Variants in ANKS1A observed in about 807,000 individuals in gnomAD.
ANKS1A encodes the protein ankyrin repeat and SAM domain-containing protein 1A.
A neutral mutation model predicts 120.3 loss-of-function variants in ANKS1A; 55 were observed. That is an observed-to-expected ratio of 0.46 (90% confidence interval 0.37 to 0.57). ANKS1A has a LOEUF of 0.57. Among genes scored for constraint, ANKS1A ranks in the 20% least tolerant of loss-of-function variants. The pLI, the probability that ANKS1A is intolerant of heterozygous loss-of-function variation, is 0.00. For synonymous variants in ANKS1A, 590 were observed against 604.7 expected (o/e 0.98, Z 0.36); for missense variants, 1,123 against 1,480.3 (o/e 0.76, Z 3.96).
intron 1 of ANKS1A, among the ~76,000 whole-genome samples, chr6:34,943,443 G>A (rs530312222): frequency 2.6e-5 from 4 of 152,074 alleles, no homozygotes; most frequent in Non-Finnish European, 4.4e-5. Context: ...ATTAACTAAC[G>A]TTCATTAGGG....
chr6:35,083,603 T>G, intron 20 of ANKS1A, 100 bp downstream of exon 20: 1 of 1,130,776 alleles, frequency 8.8e-7, no homozygotes, highest in East Asian at 2.4e-5. Context: ...GTCTCATCTC[T>G]TATCTCCCTA....
intron 1 of ANKS1A, among the ~76,000 whole-genome samples, chr6:34,895,214 TAAAA>T (rs1010255886): frequency 6.8e-6 from 1 of 147,192 alleles, no homozygotes; most frequent in Non-Finnish European, 1.5e-5. Context: ...TTTTTTTAAT[TAAAA>T]AAAAAAATTT....
At position 35,086,299 on chromosome 6, in the gene ANKS1A, T is replaced by A; in HGVS notation, c.3303+363T>A. The A allele has an allele frequency of 7.6e-7, 1 of 1,313,000 alleles. No homozygotes were observed. The highest frequency in any genetic ancestry group is 1.0e-6 in the Non-Finnish European group (1 of 1,004,878). The allele number at this position is 1,313,000 out of a possible 1,614,324, so 81.3% of individuals were successfully genotyped here. On this transcript the variant is annotated intron_variant, in intron 22 of 23. Coordinates refer to ENST00000360359, the MANE Select transcript of ANKS1A (RefSeq NM_015245.3). This position sits in a 1 kb window ranked among gnomAD's most constrained non-coding sequence, Gnocchi z 5.1. Reference sequence around the variant, plus strand: ...CGCTGCCCCCCGATAGTCGCTGTTGTTACTGTCACACCTGCACCACCCACC... The same window carrying A: ...CGCTGCCCCCCGATAGTCGCTGTTGATACTGTCACACCTGCACCACCCACC...
intron 1 of ANKS1A, among the ~76,000 whole-genome samples, chr6:34,957,421 A>G (rs1443393862): frequency 2.0e-5 from 3 of 152,228 alleles, no homozygotes; most frequent in Non-Finnish European, 4.4e-5. Flanking sequence ...TTTGAGTAAG[A>G]TGAAATCTTT....
At chr6:34,898,804 T>C (rs994341557) in intron 1 of ANKS1A, among the ~76,000 whole-genome samples, 3 of 152,320 alleles carry the variant, frequency 2.0e-5, no homozygotes, top group Middle Eastern at 3.4e-3. Context: ...GAAAACACTT[T>C]CCTATATTTT....
chr6:35,086,538 G>A lies in ANKS1A; in HGVS notation c.3304-414G>A, dbSNP rs963323557. ...AGCCCTCTCTGTTTTTCTGTTGTGT[G>A]TCCTCTCTCCAGAGGTCTGGGGTGA... On this transcript the variant is annotated intron_variant, in intron 22 of 23. Transcript: ENST00000360359. The surrounding 1 kb of genome is among the most constrained non-coding windows in gnomAD (Gnocchi z 5.1). 6.6e-6 allele frequency among the ~76,000 whole-genome samples: 1 copy of A among 152,020 alleles called. No individual in the cohort carries two copies. The highest frequency in any genetic ancestry group is 3.4e-3 in the Middle Eastern group (1 of 294).
chr6:35,031,622 C>T (rs187967325), intron 11 of ANKS1A, among the ~76,000 whole-genome samples: 82 of 152,278 alleles, frequency 5.4e-4, no homozygotes, highest in Middle Eastern at 3.4e-3. Context: ...GGATCCTCAG[C>T]GGCCACCACC....
Position 35,006,647 on chromosome 6 carries a change from C to T in ANKS1A, c.1424-10826C>T, listed in dbSNP as rs1024192684. Among the ~76,000 whole-genome samples, 6 of 151,978 alleles carry T rather than the reference C, an allele frequency of 3.9e-5. No individual in the cohort carries two copies. The East Asian group carries it at 5.8e-4, about 15-fold the overall frequency. On this transcript the variant is annotated intron_variant, in intron 10 of 23. Transcript: ENST00000360359. ...ATGGGCACCTGTAGTCCCAGCTACTCGGGAAGCTGAGGCAGGAGAATGGCA... is the reference window on the plus strand; with the variant it reads ...ATGGGCACCTGTAGTCCCAGCTACTTGGGAAGCTGAGGCAGGAGAATGGCA...
chr6:35,086,984 A>G lies in ANKS1A; in HGVS notation c.3336A>G (p.Gln1112=), dbSNP rs1164511218. The change falls in exon 23 of 24, where the codon CAA becomes CAG. Residue 1112 remains glutamine (Q), a synonymous_variant. Transcript: ENST00000360359. The surrounding 1 kb of genome is among the most constrained non-coding windows in gnomAD (Gnocchi z 5.1). ...LEPPDMDQDA[Q]SHASVSWVVD... is the part of the protein sequence containing the mutation. The stretch of plus-strand genomic sequence containing the variant: ...CACCTGATATGGACCAAGATGCCCA[A>G]TCCCATGCCAGTGTCTCCTGGGTTG... The G allele has an allele frequency of 2.8e-5, 45 of 1,614,016 alleles. No individual in the cohort carries two copies. The Admixed American group carries it at 5.8e-4, about 21-fold the overall frequency.
chr6:34,964,012 G>A (rs1171372726), intron 1 of ANKS1A, among the ~76,000 whole-genome samples: 3 of 151,986 alleles, frequency 2.0e-5, no homozygotes, highest in Non-Finnish European at 4.4e-5. Flanking sequence ...ATATATTTTG[G>A]ATATTAACCT....
At chr6:35,066,179 G>A (rs73403847) in intron 13 of ANKS1A, among the ~76,000 whole-genome samples, 1,813 of 152,350 alleles carry the variant, frequency 0.012, 26 homozygotes, top group African/African-American at 0.035. Context: ...AGTGTTATGT[G>A]TGGTGACATC....
intron 2 of ANKS1A, among the ~76,000 whole-genome samples, chr6:34,969,147 G>A (rs772868974): frequency 3.9e-5 from 6 of 152,170 alleles, no homozygotes; most frequent in Non-Finnish European, 7.4e-5. Context: ...TTATATACTG[G>A]TATGTGTTTA....
chr6:34,922,992 C>T (rs1394595106), intron 1 of ANKS1A, among the ~76,000 whole-genome samples: 1 of 152,090 alleles, frequency 6.6e-6, no homozygotes, highest in Non-Finnish European at 1.5e-5. Context: ...TGCCCAGCCT[C>T]CAGGCCATTT....
At chr6:34,979,858 A>T (rs1344403655) in intron 3 of ANKS1A, among the ~76,000 whole-genome samples, 2 of 152,110 alleles carry the variant, frequency 1.3e-5, no homozygotes, top group African/African-American at 4.8e-5. Flanking sequence ...TTGGGTTACT[A>T]CTCTGCCCCA....
intron 1 of ANKS1A, among the ~76,000 whole-genome samples, chr6:34,950,222 CTTTTTTT>C (rs747865614): frequency 1.2e-4 from 12 of 97,536 alleles, no homozygotes; most frequent in Middle Eastern, 6.7e-3. Flanking sequence ...TCTTTTCTCT[CTTTTTTT>C]TTTTTTTTTT....
intron 12 of ANKS1A, among the ~76,000 whole-genome samples, chr6:35,054,403 C>A (rs1393341328): frequency 1.3e-5 from 2 of 152,180 alleles, no homozygotes; most frequent in African/African-American, 2.4e-5. Context: ...GAATTTTAAG[C>A]TGCCTATTGG....
chr6:35,034,275 G>A (rs1208231455), intron 11 of ANKS1A, among the ~76,000 whole-genome samples: 3 of 152,194 alleles, frequency 2.0e-5, no homozygotes, highest in Non-Finnish European at 2.9e-5. Context: ...ATCACCGTAA[G>A]TGTTTTGGTT....
At chr6:34,983,454 G>C in intron 7 of ANKS1A, 29 bp downstream of exon 7, 1 of 1,542,636 alleles carries the variant, frequency 6.5e-7, no homozygotes, top group South Asian at 1.2e-5. Flanking sequence ...ATGAGTAAAG[G>C]GGTGCTCAGC....
At position 34,914,190 on chromosome 6, in the gene ANKS1A, G is replaced by A. The variant is rs1768044385; in HGVS notation, c.197+24591G>A. 3.1e-5 allele frequency among the ~76,000 whole-genome samples: 4 copies of A among 129,310 alleles called. No individual in the cohort carries two copies. In the Admixed American group the frequency reaches 3.2e-4, roughly 10 times the overall value. 84.8% of individuals were successfully genotyped at this position (129,310 alleles called of 152,430 possible). ...CCCGCCTTGGCCTCCCAAAGTGCTG[G>A]GATTACAGGTGTGAGCCACCTTACC... On this transcript the variant is annotated intron_variant, in intron 1 of 23. Coordinates refer to ENST00000360359, the MANE Select transcript of ANKS1A (RefSeq NM_015245.3).
Sources: gnomAD v4.1 joint callset for allele counts (sites outside exome capture counted in the v4.1 genomes callset) on GRCh38, gnomAD v4.1.1 for gene constraint, Gnocchi (gnomAD v3.1) non-coding constraint, MANE v1.5 for transcripts, NCBI Gene and HGNC (gene_info 2026-07-23, HGNC 2026-07-21) for gene names.